GAB1: variants seen among roughly 807,000 people sequenced by gnomAD.
GAB1 encodes the protein GRB2 associated binding protein 1.
GAB1 carries 19 observed loss-of-function variants against 66.5 expected under a neutral mutation model. The ratio of observed to expected loss-of-function variants is 0.29; its 90% confidence interval spans 0.20 to 0.42. The LOEUF (loss-of-function observed/expected upper bound fraction) is 0.42. Among genes scored for constraint, GAB1 ranks in the 10% least tolerant of loss-of-function variants. The pLI, the probability that GAB1 is intolerant of heterozygous loss-of-function variation, is 1.00. For missense variants in GAB1, 732 were observed against 858.5 expected (o/e 0.85, Z 1.84); for synonymous variants, 294 against 301.4 (o/e 0.98, Z 0.25).
At chr4:143,356,202 T>G (rs1186182596) in intron 1 of GAB1, among the ~76,000 whole-genome samples, 2 of 152,178 alleles carry the variant, frequency 1.3e-5, no homozygotes, top group African/African-American at 4.8e-5. Flanking sequence ...TTTGTGATTT[T>G]ATTTTACCCA....
Position 143,472,216 on chromosome 4 carries a change from A to T in GAB1, c.*3027A>T, listed in dbSNP as rs914689098. On this transcript the variant is annotated 3_prime_UTR_variant, in exon 10 of 10. Transcript: ENST00000262994. ...ACATCTTTATCATTATCAATACTAT[A>T]TAAGTTACTGTGAGCATTTTAGAGA... 2 of 152,192 alleles carry T rather than the reference A, an allele frequency of 1.3e-5. No homozygotes were observed. Among genetic ancestry groups the T allele is most frequent in the African/African-American group, 4.8e-5 (2 of 41,454 alleles). 9.4% of individuals were successfully genotyped at this position (152,192 alleles called of 1,614,324 possible). A position where few individuals can be genotyped will look rare whatever the true frequency, so the allele number is the denominator to read the frequency against.
At chr4:143,396,108 A>C (rs1731440032) in intron 1 of GAB1, 1 of 398,378 alleles carries the variant, frequency 2.5e-6, no homozygotes, top group Admixed American at 2.8e-5. Flanking sequence ...TGAGGTGAAG[A>C]AAGGAGAATC....
At chr4:143,437,942 A>G in intron 3 of GAB1, 57 bp from the exon 4 acceptor site, 1 of 1,505,044 alleles carries the variant, frequency 6.6e-7, no homozygotes, top group South Asian at 1.3e-5. Context: ...CATGTTTATA[A>G]AAAATGTATT....
chr4:143,410,769 C>T (rs1171615317), intron 1 of GAB1, among the ~76,000 whole-genome samples: 1 of 152,182 alleles, frequency 6.6e-6, no homozygotes, highest in Non-Finnish European at 1.5e-5. Flanking sequence ...ACTATCCCTG[C>T]AATGCATAAA....
rs145742307 is a variant in GAB1, at chr4:143,469,270, C to T, written c.*81C>T. 15 of 1,387,600 alleles carry T rather than the reference C, an allele frequency of 1.1e-5. No homozygotes were observed. Among genetic ancestry groups the T allele is most frequent in the Non-Finnish European group, 1.4e-5 (14 of 1,008,520 alleles). 86.0% of individuals were successfully genotyped at this position (1,387,600 alleles called of 1,614,324 possible). Reference sequence around the variant, plus strand: ...CTTTTGAAGAATGACTTGACACTTCCACTCTAGGTAGATCCTCAAATGAGT... The same window carrying T: ...CTTTTGAAGAATGACTTGACACTTCTACTCTAGGTAGATCCTCAAATGAGT... On this transcript the variant is annotated 3_prime_UTR_variant, in exon 10 of 10. Coordinates refer to ENST00000262994, the MANE Select transcript of GAB1 (RefSeq NM_002039.4).
At chr4:143,373,862 TAA>T (rs1491438448) in intron 1 of GAB1, among the ~76,000 whole-genome samples, 3 of 117,266 alleles carry the variant, frequency 2.6e-5, no homozygotes, top group African/African-American at 1.1e-4. Context: ...TCTCTGTAAA[TAA>T]ATAAATATAT....
In GAB1 at chr4:143,470,796, G is replaced by C. The variant is rs1328737837; in HGVS notation, c.*1607G>C. 1 of 152,198 alleles carries C rather than the reference G, an allele frequency of 6.6e-6. No individual in the cohort carries two copies. The highest frequency in any genetic ancestry group is 1.9e-4 in the East Asian group (1 of 5,196). 9.4% of individuals were successfully genotyped at this position (152,198 alleles called of 1,614,324 possible). On this transcript the variant is annotated 3_prime_UTR_variant, in exon 10 of 10. Coordinates refer to ENST00000262994, the MANE Select transcript of GAB1 (RefSeq NM_002039.4). ...CCTGATTTCTGGCCCATTGGCCATA[G>C]TACTGTGCCTAATCAATGTAATAGG...
At chr4:143,350,609 C>T (rs1729162857) in intron 1 of GAB1, among the ~76,000 whole-genome samples, 2 of 138,438 alleles carry the variant, frequency 1.4e-5, no homozygotes, top group Admixed American at 1.6e-4. Flanking sequence ...ACCCGGGAGG[C>T]GGAGGTTGCG....
chr4:143,356,449 G>A (rs905488059), intron 1 of GAB1, among the ~76,000 whole-genome samples: 1 of 146,962 alleles, frequency 6.8e-6, no homozygotes, highest in African/African-American at 2.4e-5. Flanking sequence ...CTTAAAGAAT[G>A]TAAATGGTTA....
At chr4:143,373,821 C>CT (rs1730262619) in intron 1 of GAB1, among the ~76,000 whole-genome samples, 2 of 110,356 alleles carry the variant, frequency 1.8e-5, no homozygotes, top group Admixed American at 9.0e-5. Flanking sequence ...GGGAGTGAAA[C>CT]CCTCTCTCTC....
At position 143,440,220 on chromosome 4, in the gene GAB1, A is replaced by G. The variant is rs776125678; in HGVS notation, c.1423A>G (p.Met475Val). 1.3e-5 allele frequency: 21 copies of G among 1,614,060 alleles called. No homozygotes were observed. Among genetic ancestry groups the G allele is most frequent in the East Asian group, 2.2e-5 (1 of 44,894 alleles). Residue 475 changes from methionine to valine, a missense_variant, in exon 6 of 10, where the codon ATG (methionine) becomes GTG (valine). Met to Val is a conservative substitution (Grantham distance 21, BLOSUM62 1). Transcript: ENST00000262994. The stretch of plus-strand genomic sequence containing the variant: ...AATTCAGGAAGCAAATTATGTGCCA[A>G]TGACTCCAGGAACATTTGATTTTTC... ...EPIQEANYVPMTPGTFDFSSF... is the reference protein window; with the variant it reads ...EPIQEANYVPVTPGTFDFSSF...
At chr4:143,375,921 T>C (rs1008888786) in intron 1 of GAB1, among the ~76,000 whole-genome samples, 4 of 152,096 alleles carry the variant, frequency 2.6e-5, no homozygotes, top group African/African-American at 9.7e-5. Flanking sequence ...AAGTGTGCCC[T>C]GGAGGCAAAA....
At chr4:143,368,463 C>T (rs300909) in intron 1 of GAB1, among the ~76,000 whole-genome samples, 3,645 of 152,156 alleles carry the variant, frequency 0.024, 130 homozygotes, top group African/African-American at 0.082. Context: ...ATTATAAAAG[C>T]TTTATAGTTT....
intron 1 of GAB1, among the ~76,000 whole-genome samples, chr4:143,401,221 CTG>C (rs1731754861): frequency 6.6e-6 from 1 of 152,020 alleles, no homozygotes; most frequent in Non-Finnish European, 1.5e-5. Flanking sequence ...TTTTCTGAGA[CTG>C]TCTTCAGGTT....
intron 1 of GAB1, among the ~76,000 whole-genome samples, chr4:143,337,759 G>T (rs1285199681): frequency 6.6e-6 from 1 of 152,168 alleles, no homozygotes; most frequent in Non-Finnish European, 1.5e-5. Context: ...GCGGGCTGTG[G>T]AGCTGAGGAG....
In GAB1 at chr4:143,337,183, C is replaced by G; in HGVS notation, c.-6C>G. 6.4e-7 allele frequency: 1 copy of G among 1,573,872 alleles called. No homozygotes were observed. Among genetic ancestry groups the G allele is most frequent in the African/African-American group, 1.3e-5 (1 of 74,420 alleles). On this transcript the variant is annotated 5_prime_UTR_variant, in exon 1 of 10. Coordinates refer to ENST00000262994, the MANE Select transcript of GAB1 (RefSeq NM_002039.4). ...TGCCCGGCCCGGAGCCCGAGACGCGCGCACCATGAGCGGTGGTGAAGTGGT... is the reference window on the plus strand; with the variant it reads ...TGCCCGGCCCGGAGCCCGAGACGCGGGCACCATGAGCGGTGGTGAAGTGGT...
chr4:143,349,198 G>A, intron 1 of GAB1: 2 of 543,212 alleles, frequency 3.7e-6, no homozygotes, highest in East Asian at 3.1e-5. Context: ...ACCTGGAGTA[G>A]TTATATATTA....
intron 9 of GAB1, among the ~76,000 whole-genome samples, chr4:143,468,208 C>CTTTT (rs780138131): frequency 1.2e-3 from 84 of 70,014 alleles, no homozygotes; most frequent in East Asian, 1.9e-3. Context: ...AGTTTGAATT[C>CTTTT]TTTTTTTTTT....
intron 1 of GAB1, among the ~76,000 whole-genome samples, chr4:143,369,496 T>C (rs779153347): frequency 1.6e-4 from 25 of 152,234 alleles, no homozygotes; most frequent in Non-Finnish European, 3.4e-4. Flanking sequence ...CAATGCAGGA[T>C]GAAAATATCC....
Sources: gnomAD v4.1 joint callset for allele counts (sites outside exome capture counted in the v4.1 genomes callset) on GRCh38, gnomAD v4.1.1 for gene constraint, MANE v1.5 for transcripts, NCBI Gene and HGNC (gene_info 2026-07-23, HGNC 2026-07-21) for gene names.